Variants in MYO9A observed in about 807,000 individuals in gnomAD.
The protein encoded by MYO9A is unconventional myosin-IXa.
MYO9A carries 103 observed loss-of-function variants against 293.3 expected under a neutral mutation model. That is an observed-to-expected ratio of 0.35 (90% CI 0.30 to 0.41). MYO9A has a LOEUF of 0.41. MYO9A is among the 10% of genes least tolerant of loss of function. The pLI is 1.00. For missense variants in MYO9A, 2,685 were observed against 3,033.0 expected, an observed-to-expected ratio of 0.89 and a Z score of 2.69; for synonymous variants, 1,001 against 1,035.7, an observed-to-expected ratio of 0.97 and a Z score of 0.64.
At chr15:72,011,677 A>C (rs985981861) in intron 6 of MYO9A, among the ~76,000 whole-genome samples, 1 of 152,218 alleles carries the variant, frequency 6.6e-6, no homozygotes, top group Non-Finnish European at 1.5e-5. Flanking sequence ...TTCCTAAAAT[A>C]GTCAAACAGT....
intron 4 of MYO9A, among the ~76,000 whole-genome samples, chr15:72,024,811 A>G (rs546448490): frequency 6.6e-6 from 1 of 152,320 alleles, no homozygotes; most frequent in East Asian, 1.9e-4. Flanking sequence ...CAAGGTAACC[A>G]ATAAGAATAT....
chr15:72,083,892 T>C (rs1231033959), intron 1 of MYO9A, among the ~76,000 whole-genome samples: 1 of 152,196 alleles, frequency 6.6e-6, no homozygotes, highest in Non-Finnish European at 1.5e-5. Context: ...TTCTTTTGCA[T>C]TTGCAGAGAA....
intron 9 of MYO9A, among the ~76,000 whole-genome samples, chr15:71,997,359 T>G (rs1254241448): frequency 6.6e-6 from 1 of 152,120 alleles, no homozygotes; most frequent in East Asian, 1.9e-4. Context: ...CCCAAAACTT[T>G]GGAAGGCCAA....
intron 20 of MYO9A, among the ~76,000 whole-genome samples, chr15:71,904,645 T>A (rs1043762148): frequency 3.3e-5 from 5 of 152,156 alleles, no homozygotes; most frequent in Admixed American, 6.6e-5. Flanking sequence ...ACAGTGAGAC[T>A]CTGCCTCAAA....
chr15:71,826,461 T>TA lies in MYO9A; in HGVS notation c.*118dup. On this transcript the variant is annotated 3_prime_UTR_variant, in exon 42 of 42. Coordinates refer to ENST00000356056, the MANE Select transcript of MYO9A (RefSeq NM_006901.4). ...GCACATACAGTCTTAGCCATATGCTTAGAAAAGAGGCAGGACCACAATTAG... is the reference window on the plus strand; with the variant it reads ...GCACATACAGTCTTAGCCATATGCTTAAGAAAAGAGGCAGGACCACAATTAG... 1 of 1,014,228 alleles carries TA rather than the reference T, an allele frequency of 9.9e-7. No homozygotes were observed. Among genetic ancestry groups the TA allele is most frequent in the Non-Finnish European group, 1.4e-6 (1 of 699,172 alleles). The allele number at this position is 1,014,228 out of a possible 1,614,324, so 62.8% of individuals were successfully genotyped here.
At chr15:71,884,631 C>A (rs867575340) in intron 27 of MYO9A, among the ~76,000 whole-genome samples, 2 of 152,262 alleles carry the variant, frequency 1.3e-5, no homozygotes, top group Middle Eastern at 6.8e-3. Context: ...ACGCTTTCAT[C>A]ATCTACATCA....
chr15:72,009,953 T>C (rs1296528355), intron 7 of MYO9A, among the ~76,000 whole-genome samples: 2 of 152,080 alleles, frequency 1.3e-5, no homozygotes, highest in Non-Finnish European at 2.9e-5. Context: ...ACAGAGGAAA[T>C]ACACTGAAAA....
At chr15:71,834,798 A>T (rs1595990777) in intron 39 of MYO9A, among the ~76,000 whole-genome samples, 1 of 152,200 alleles carries the variant, frequency 6.6e-6, no homozygotes, top group East Asian at 1.9e-4. Flanking sequence ...ACAAAAAAGG[A>T]TTATTATGGG....
At chr15:72,095,832 CA>C (rs1237340338) in intron 1 of MYO9A, among the ~76,000 whole-genome samples, 1 of 149,176 alleles carries the variant, frequency 6.7e-6, no homozygotes, top group African/African-American at 2.4e-5. Flanking sequence ...GTAATCCCAG[CA>C]CTTTGGGAGG....
intron 13 of MYO9A, among the ~76,000 whole-genome samples, chr15:71,963,495 C>A (rs1351581147): frequency 6.6e-6 from 1 of 152,104 alleles, no homozygotes; most frequent in Admixed American, 6.5e-5. Flanking sequence ...GTTGCTCAGG[C>A]TGGAGTGCAA....
intron 33 of MYO9A, 104 bp from the exon 34 acceptor site, chr15:71,859,900 C>G: frequency 1.1e-6 from 1 of 887,290 alleles, no homozygotes; most frequent in Non-Finnish European, 1.8e-6. Context: ...TTCTTTAAAT[C>G]TCAGACTGCT....
intron 16 of MYO9A, among the ~76,000 whole-genome samples, chr15:71,936,499 CA>C (rs1027453234): frequency 6.6e-6 from 1 of 151,718 alleles, no homozygotes; most frequent in African/African-American, 2.4e-5. Flanking sequence ...GTTCCCACCA[CA>C]AAAAAATGAC....
chr15:71,915,372 T>C (rs1253668031), intron 19 of MYO9A, among the ~76,000 whole-genome samples: 1 of 152,022 alleles, frequency 6.6e-6, no homozygotes. Flanking sequence ...CCCTTTCCTT[T>C]AAGCTTATTT....
At chr15:71,867,798 T>TCTCACACACACACACACACACACACA (rs2056381179) in intron 32 of MYO9A, among the ~76,000 whole-genome samples, 1 of 127,542 alleles carries the variant, frequency 7.8e-6, no homozygotes, top group African/African-American at 3.0e-5. Context: ...TGGGAATCCA[T>TCTCACACACACACACACACACACACA]CACACACACA....
intron 15 of MYO9A, among the ~76,000 whole-genome samples, chr15:71,947,637 C>T (rs2058951107): frequency 6.6e-6 from 1 of 152,072 alleles, no homozygotes; most frequent in Admixed American, 6.5e-5. Flanking sequence ...ATCAGACAAT[C>T]CACTAAACTT....
At chr15:72,091,483 G>A (rs769944918) in intron 1 of MYO9A, among the ~76,000 whole-genome samples, 7 of 152,040 alleles carry the variant, frequency 4.6e-5, no homozygotes, top group African/African-American at 1.2e-4. Context: ...GAAAGAATAC[G>A]CAAGCCTAAC....
intron 18 of MYO9A, among the ~76,000 whole-genome samples, chr15:71,930,661 G>A (rs775968438): frequency 7.0e-4 from 107 of 152,100 alleles, no homozygotes; most frequent in Admixed American, 6.9e-3. Context: ...CAGGCACTCT[G>A]TGGCTTTTAA....
intron 39 of MYO9A, among the ~76,000 whole-genome samples, chr15:71,844,283 G>T (rs1409316795): frequency 6.6e-6 from 1 of 152,128 alleles, no homozygotes; most frequent in Non-Finnish European, 1.5e-5. Context: ...TTTGGGACAG[G>T]CTTTCTAATA....
At chr15:71,876,425 ATTTTTTTT>A (rs397854202) in intron 31 of MYO9A, among the ~76,000 whole-genome samples, 10 of 61,072 alleles carry the variant, frequency 1.6e-4, no homozygotes, top group East Asian at 7.6e-4. Flanking sequence ...CCTGGCTGGT[ATTTTTTTT>A]TTTTTTTTTT....
Sources: gnomAD v4.1 joint callset for allele counts (sites outside exome capture counted in the v4.1 genomes callset) on GRCh38, gnomAD v4.1.1 for gene constraint, MANE v1.5 for transcripts, NCBI Gene and HGNC (gene_info 2026-07-23, HGNC 2026-07-21) for gene names.